ULK4: variants seen among roughly 807,000 people sequenced by gnomAD.
ULK4 encodes inactive serine/threonine-protein kinase ULK4.
Under a neutral mutation model 160.6 loss-of-function variants are expected in ULK4, and 133 were observed. The observed-to-expected ratio is 0.83, with a 90% CI of 0.72 to 0.96. The LOEUF (loss-of-function observed/expected upper bound fraction) is 0.96, where lower values mean the gene tolerates loss of function less well. ULK4 is among the 40% of genes least tolerant of loss of function. The pLI is 0.00. For synonymous variants in ULK4, 534 were observed against 539.8 expected (o/e 0.99, Z 0.15); for missense variants, 1,580 against 1,499.5 (o/e 1.05, Z -0.89).
intron 27 of ULK4, among the ~76,000 whole-genome samples, chr3:41,701,763 T>C (rs938968371): frequency 6.6e-6 from 1 of 152,116 alleles, no homozygotes; most frequent in African/African-American, 2.4e-5. Context: ...CAGACAACAA[T>C]AACATATACA....
intron 35 of ULK4, among the ~76,000 whole-genome samples, chr3:41,392,859 C>G (rs1279368164): frequency 2.0e-5 from 3 of 152,116 alleles, no homozygotes; most frequent in Non-Finnish European, 2.9e-5. Context: ...GCCTCTGTTT[C>G]TCTATGGAAT....
intron 17 of ULK4, among the ~76,000 whole-genome samples, chr3:41,862,393 C>T (rs2125685217): frequency 6.6e-6 from 1 of 152,196 alleles, no homozygotes; most frequent in South Asian, 2.1e-4. Flanking sequence ...AGGATTGGTC[C>T]CTCGTGCCTT....
chr3:41,926,598 T>C (rs1699394495), intron 5 of ULK4, among the ~76,000 whole-genome samples: 1 of 150,696 alleles, frequency 6.6e-6, no homozygotes, highest in Admixed American at 6.6e-5. Context: ...GCTAAGAACC[T>C]TGAAAAAAGG....
chr3:41,593,942 G>A (rs887882949), intron 31 of ULK4, among the ~76,000 whole-genome samples: 2 of 152,082 alleles, frequency 1.3e-5, no homozygotes, highest in Non-Finnish European at 2.9e-5. Context: ...GGGGAAGGGG[G>A]GCTGAGGTGG....
chr3:41,791,813 C>G (rs2040159967), intron 20 of ULK4, among the ~76,000 whole-genome samples: 1 of 152,062 alleles, frequency 6.6e-6, no homozygotes, highest in Non-Finnish European at 1.5e-5. Context: ...TTGTAGAGCA[C>G]CAACTATATA....
At chr3:41,395,306 G>T (rs1267385475) in intron 35 of ULK4, among the ~76,000 whole-genome samples, 1 of 151,698 alleles carries the variant, frequency 6.6e-6, no homozygotes, top group Non-Finnish European at 1.5e-5. Flanking sequence ...AAAACTTCAT[G>T]AGCCAATCCT....
chr3:41,889,822 G>A (rs529876279), intron 16 of ULK4, among the ~76,000 whole-genome samples: 3 of 152,258 alleles, frequency 2.0e-5, no homozygotes, highest in South Asian at 2.1e-4. Flanking sequence ...AATGTTCAGC[G>A]CACCATTATT....
chr3:41,926,513 G>A (rs1559654885), intron 5 of ULK4, among the ~76,000 whole-genome samples: 1 of 152,166 alleles, frequency 6.6e-6, no homozygotes, highest in African/African-American at 2.4e-5. Context: ...CAAATTGACA[G>A]AAGTAGGCTA....
At chr3:41,929,572 T>C (rs556182842) in intron 5 of ULK4, among the ~76,000 whole-genome samples, 5 of 152,282 alleles carry the variant, frequency 3.3e-5, no homozygotes, top group Non-Finnish European at 5.9e-5. Flanking sequence ...ATGACATGAT[T>C]GTATATTTAG....
chr3:41,631,852 C>T (rs564599992), intron 30 of ULK4, among the ~76,000 whole-genome samples: 47 of 152,076 alleles, frequency 3.1e-4, no homozygotes, highest in Non-Finnish European at 6.2e-4. Flanking sequence ...GTTGCAAGTC[C>T]TGTTTCGTCC....
intron 31 of ULK4, among the ~76,000 whole-genome samples, chr3:41,591,321 T>C (rs1195154569): frequency 6.6e-6 from 1 of 152,208 alleles, no homozygotes; most frequent in African/African-American, 2.4e-5. Context: ...TATCTCTGCA[T>C]GGAAAAAAAA....
intron 21 of ULK4, among the ~76,000 whole-genome samples, chr3:41,775,465 C>G (rs1000404544): frequency 3.4e-5 from 5 of 148,068 alleles, no homozygotes; most frequent in African/African-American, 7.8e-5. Context: ...GTGGTGCAAT[C>G]TGGGCTCACT....
At chr3:41,813,622 GTAAGT>G (rs1003889104) in intron 19 of ULK4, among the ~76,000 whole-genome samples, 2 of 152,178 alleles carry the variant, frequency 1.3e-5, no homozygotes, top group Non-Finnish European at 2.9e-5. Context: ...CAAGGAGCAA[GTAAGT>G]TAAATCTCTT....
At chr3:41,280,355 C>T (rs1039818551) in intron 35 of ULK4, among the ~76,000 whole-genome samples, 29 of 152,310 alleles carry the variant, frequency 1.9e-4, no homozygotes, top group Non-Finnish European at 2.9e-4. Flanking sequence ...ACAGAATATA[C>T]ATTCTTCTCA....
At chr3:41,255,203 C>A (rs1408444206) in intron 35 of ULK4, among the ~76,000 whole-genome samples, 1 of 151,434 alleles carries the variant, frequency 6.6e-6, no homozygotes, top group Non-Finnish European at 1.5e-5. Flanking sequence ...GCACCAAGGC[C>A]AGGCGCGGTG....
At chr3:41,913,146 C>A in intron 8 of ULK4, 1 of 306,954 alleles carries the variant, frequency 3.3e-6, no homozygotes, top group Middle Eastern at 9.5e-4. Flanking sequence ...TTAGAAGTTT[C>A]AGGGTTCAAA....
chr3:41,942,432 T>A (rs947745139), intron 2 of ULK4, among the ~76,000 whole-genome samples: 3 of 152,010 alleles, frequency 2.0e-5, no homozygotes, highest in Middle Eastern at 6.3e-3. Context: ...GGCAGCAGAA[T>A]CACTTGAACC....
intron 32 of ULK4, among the ~76,000 whole-genome samples, chr3:41,534,459 G>T (rs537300013): frequency 7.5e-5 from 11 of 147,350 alleles, no homozygotes; most frequent in African/African-American, 2.5e-4. Context: ...TAAAGAAAAG[G>T]TCTTACTTTT....
intron 35 of ULK4, among the ~76,000 whole-genome samples, chr3:41,344,982 A>G (rs1236544356): frequency 6.6e-6 from 1 of 152,186 alleles, no homozygotes; most frequent in South Asian, 2.1e-4. Flanking sequence ...ATGAACAGAC[A>G]CTTTTCAAAA....
Sources: gnomAD v4.1 joint callset for allele counts (sites outside exome capture counted in the v4.1 genomes callset) on GRCh38, gnomAD v4.1.1 for gene constraint, MANE v1.5 for transcripts, NCBI Gene and HGNC (gene_info 2026-07-23, HGNC 2026-07-21) for gene names.